The following INTS7 variants were observed in gnomAD, a reference collection of about 807,000 sequenced individuals.
The protein encoded by INTS7 is chromosome 1 open reading frame 73.
A neutral mutation model predicts 109.2 loss-of-function variants in INTS7; 46 were observed. The ratio of observed to expected loss-of-function variants is 0.42; its 90% CI spans 0.33 to 0.54. The LOEUF (loss-of-function observed/expected upper bound fraction) is 0.54. Ranked by LOEUF, INTS7 falls within the 20% of genes least tolerant of loss-of-function variation. The probability of loss-of-function intolerance (pLI) is 0.07; values close to 1 mark genes in which losing one functional copy is unlikely to be tolerated. For missense variants in INTS7, 929 were observed against 1,132.4 expected, an observed-to-expected ratio of 0.82 and a Z score of 2.58; for synonymous variants, 412 against 402.9, an observed-to-expected ratio of 1.02 and a Z score of -0.27.
At chr1:211,969,099 A>G (rs1316677003) in intron 13 of INTS7, among the ~76,000 whole-genome samples, 1 of 152,080 alleles carries the variant, frequency 6.6e-6, no homozygotes, top group African/African-American at 2.4e-5. Flanking sequence ...CCTGGCTAAC[A>G]TGGTGAAACC....
At chr1:211,966,620 C>A in intron 15 of INTS7, 122 bp from the exon 16 acceptor site, 1 of 637,968 alleles carries the variant, frequency 1.6e-6, no homozygotes. Flanking sequence ...ATAATGTTAT[C>A]AACTCGAATG....
At chr1:211,950,080 A>T (rs1663017977) in intron 17 of INTS7, among the ~76,000 whole-genome samples, 1 of 152,222 alleles carries the variant, frequency 6.6e-6, no homozygotes, top group African/African-American at 2.4e-5. Flanking sequence ...TAATGCACAT[A>T]TACTGTATTG....
intron 13 of INTS7, 95 bp from the exon 14 acceptor site, chr1:211,968,802 A>G (rs1330312595): frequency 8.2e-6 from 7 of 848,772 alleles, no homozygotes; most frequent in East Asian, 2.6e-5. Context: ...GGTCAAGTGC[A>G]GTAGTTCTCT....
intron 4 of INTS7, among the ~76,000 whole-genome samples, chr1:212,015,482 T>C (rs747453432): frequency 6.6e-5 from 10 of 151,744 alleles, no homozygotes; most frequent in Non-Finnish European, 1.0e-4. Flanking sequence ...GCAAGATGTG[T>C]TTTGTTAAAC....
intron 16 of INTS7, 112 bp downstream of exon 16, chr1:211,966,318 C>T: frequency 1.8e-6 from 1 of 545,424 alleles, no homozygotes; most frequent in East Asian, 3.0e-5. Flanking sequence ...AGAATTCTTC[C>T]ACTTTGTTTT....
At chr1:212,010,899 T>A (rs139645827) in intron 5 of INTS7, among the ~76,000 whole-genome samples, 1 of 152,138 alleles carries the variant, frequency 6.6e-6, no homozygotes, top group Non-Finnish European at 1.5e-5. Context: ...AGGATCCCCA[T>A]TGTTAAGCAA....
chr1:212,024,904 C>T, intron 1 of INTS7, among the ~76,000 whole-genome samples: 1 of 152,178 alleles, frequency 6.6e-6, no homozygotes, highest in Non-Finnish European at 1.5e-5. Flanking sequence ...CTCCAGAGAA[C>T]ATCTCATAGA....
At chr1:211,945,678 T>C (rs1662818540) in intron 18 of INTS7, among the ~76,000 whole-genome samples, 2 of 152,244 alleles carry the variant, frequency 1.3e-5, no homozygotes, top group South Asian at 4.1e-4. Flanking sequence ...TGCTCTGTTA[T>C]TTGTAATCAA....
intron 15 of INTS7, among the ~76,000 whole-genome samples, chr1:211,967,366 C>T (rs1663935701): frequency 1.3e-5 from 2 of 149,330 alleles, no homozygotes; most frequent in African/African-American, 2.5e-5. Flanking sequence ...GCAGGAGAAT[C>T]GCTTGAACCC....
intron 7 of INTS7, among the ~76,000 whole-genome samples, chr1:212,001,713 G>A (rs1261436354): frequency 1.3e-5 from 2 of 152,122 alleles, no homozygotes; most frequent in East Asian, 1.9e-4. Context: ...ATTGCCAAAC[G>A]CAAAGGTGAA....
rs189152648 is a variant in INTS7, at chr1:212,027,913, G to A, written c.95-6701C>T. Among the ~76,000 whole-genome samples the A allele has an allele frequency of 4.1e-3, 630 of 151,832 alleles. 4 individuals are homozygous for A. The highest frequency in any genetic ancestry group is 0.01 in the Middle Eastern group (3 of 294). ...GCAATCTCAGCTCACTGCAACCTCC[G>A]CCCCCCGGGTTCAAGTGATTCTTGT... On this transcript the variant is annotated intron_variant, in intron 1 of 19. Coordinates refer to ENST00000366994, the MANE Select transcript of INTS7 (RefSeq NM_015434.4).
intron 7 of INTS7, among the ~76,000 whole-genome samples, chr1:211,999,494 G>A (rs1402892034): frequency 6.6e-6 from 1 of 152,080 alleles, no homozygotes; most frequent in Non-Finnish European, 1.5e-5. Context: ...AACTTCTGGG[G>A]GTAATGAAAA....
chr1:211,991,113 CAGTA>C (rs1364957807), intron 7 of INTS7, among the ~76,000 whole-genome samples: 2 of 151,992 alleles, frequency 1.3e-5, no homozygotes, highest in East Asian at 3.9e-4. Flanking sequence ...AAGAAGGATT[CAGTA>C]AGTATTACAA....
chr1:212,000,274 T>G (rs1665607942), intron 7 of INTS7, among the ~76,000 whole-genome samples: 1 of 152,174 alleles, frequency 6.6e-6, no homozygotes, highest in Admixed American at 6.5e-5. Context: ...TGACCAAAAC[T>G]GATTCCAGAA....
chr1:212,010,843 T>G (rs1018232554), intron 5 of INTS7, among the ~76,000 whole-genome samples: 1 of 152,196 alleles, frequency 6.6e-6, no homozygotes, highest in Non-Finnish European at 1.5e-5. Flanking sequence ...AAGTACACTC[T>G]ATGAAGTTCA....
chr1:212,020,820 T>C lies in INTS7; in HGVS notation c.224+263A>G, dbSNP rs930086526. ...AAACAATCTGTACAAAGACACAGAT[T>C]TTCCTGAAGTACACAGTAAAATATT... On this transcript the variant is annotated intron_variant, in intron 2 of 19. Transcript: ENST00000366994. 21 of 746,016 alleles carry C rather than the reference T, an allele frequency of 2.8e-5. No individual in the cohort carries two copies. In the African/African-American group the frequency reaches 3.1e-4, roughly 11 times the overall value. The allele number at this position is 746,016 out of a possible 1,614,324, so 46.2% of individuals were successfully genotyped here.
intron 4 of INTS7, among the ~76,000 whole-genome samples, chr1:212,013,816 CTATACCATATAACCTAGG>C (rs1666273414): frequency 6.6e-6 from 1 of 152,180 alleles, no homozygotes. Flanking sequence ...GGGCAACAGG[CTATACCATATAACCTAGG>C]TGTATAGTAG....
At chr1:212,008,237 G>C (rs371912141) in intron 5 of INTS7, among the ~76,000 whole-genome samples, 2 of 152,158 alleles carry the variant, frequency 1.3e-5, no homozygotes, top group Admixed American at 6.5e-5. Context: ...AGAGGGAAAA[G>C]AATGAGATCA....
intron 1 of INTS7, among the ~76,000 whole-genome samples, chr1:212,028,533 A>G (rs1374642628): frequency 6.6e-6 from 1 of 152,198 alleles, no homozygotes; most frequent in Admixed American, 6.5e-5. Context: ...TTGGGGATAC[A>G]TGAGTAGAAT....
Sources: gnomAD v4.1 joint callset for allele counts (sites outside exome capture counted in the v4.1 genomes callset) on GRCh38, gnomAD v4.1.1 for gene constraint, MANE v1.5 for transcripts, NCBI Gene and HGNC (gene_info 2026-07-23, HGNC 2026-07-21) for gene names.